The following PRCC variants were observed in gnomAD, a reference collection of about 807,000 sequenced individuals.
PRCC encodes the protein proline rich mitotic checkpoint control factor, also known as proline-rich protein PRCC.
PRCC carries 10 observed loss-of-function variants against 44.0 expected under a neutral mutation model. The ratio of observed to expected loss-of-function variants is 0.23; its 90% CI spans 0.14 to 0.39. PRCC has a LOEUF of 0.39. Among genes scored for constraint, PRCC ranks in the 10% least tolerant of loss-of-function variants. The probability of loss-of-function intolerance (pLI) is 1.00; values close to 1 mark genes in which losing one functional copy is unlikely to be tolerated. For missense variants in PRCC, 573 were observed against 624.7 expected, an observed-to-expected ratio of 0.92 and a Z score of 0.88; for synonymous variants, 278 against 259.5, an observed-to-expected ratio of 1.07 and a Z score of -0.69.
chr1:156,773,545 ACT>A (rs1213122961), intron 1 of PRCC, among the ~76,000 whole-genome samples: 2 of 151,686 alleles, frequency 1.3e-5, no homozygotes, highest in African/African-American at 4.9e-5. Context: ...GGCCCGGGAC[ACT>A]CTCAGCCCTG....
In PRCC at chr1:156,782,328, A is replaced by T. The variant is rs139727655; in HGVS notation, c.515A>T (p.Gln172Leu). 1 of 1,605,380 alleles carries T rather than the reference A, an allele frequency of 6.2e-7. No homozygotes were observed. Among genetic ancestry groups the T allele is most frequent in the Non-Finnish European group, 8.5e-7 (1 of 1,173,092 alleles). Residue 172 changes from glutamine to leucine, a missense_variant and splice_region_variant, in exon 2 of 7, where the codon CAG becomes CTG. By Grantham distance (113) the Gln-to-Leu change is moderately radical. This residue lies in a region of PRCC where 118 missense variants were observed against 166.7 expected (regional missense o/e 0.71). Coordinates refer to ENST00000271526, the MANE Select transcript of PRCC (RefSeq NM_005973.5). Reference sequence around the variant, plus strand: ...CCCACAAAGAAGAAAACTATCCTTCAGGTAAGCATTGTGATATAAACCATT... The same window carrying T: ...CCCACAAAGAAGAAAACTATCCTTCTGGTAAGCATTGTGATATAAACCATT... ...DEPTKKKTILQGSSEGTGLSA... is the reference protein window; with the variant it reads ...DEPTKKKTILLGSSEGTGLSA...
chr1:156,776,082 G>T (rs1367921906), intron 1 of PRCC, among the ~76,000 whole-genome samples: 1 of 152,258 alleles, frequency 6.6e-6, no homozygotes, highest in Non-Finnish European at 1.5e-5. Context: ...GGCTGGGTGT[G>T]CAGTGGCTCA....
At chr1:156,781,230 T>C (rs561541359) in intron 1 of PRCC, among the ~76,000 whole-genome samples, 1 of 152,322 alleles carries the variant, frequency 6.6e-6, no homozygotes, top group South Asian at 2.1e-4. Context: ...GGAAATGCTG[T>C]GTACAGTACT....
chr1:156,791,842 T>G, intron 4 of PRCC, 50 bp downstream of exon 4: 1 of 1,509,602 alleles, frequency 6.6e-7, no homozygotes, highest in East Asian at 2.3e-5. Context: ...GGCACCACAT[T>G]TCAAATCTGA....
chr1:156,778,605 C>T (rs1477269953), intron 1 of PRCC, among the ~76,000 whole-genome samples: 2 of 136,994 alleles, frequency 1.5e-5, no homozygotes, highest in African/African-American at 5.6e-5. Context: ...TTTTTTGTGG[C>T]AGGGTCTCAC....
At chr1:156,778,274 C>T (rs942054863) in intron 1 of PRCC, among the ~76,000 whole-genome samples, 44 of 152,164 alleles carry the variant, frequency 2.9e-4, no homozygotes, top group Non-Finnish European at 2.6e-4. Flanking sequence ...TAAGTGAGAA[C>T]GTGTGCTATT....
rs954614654 is a variant in PRCC at position 156,791,938 on chromosome 1, A to G, written c.1179+146A>G. 6.7e-5 allele frequency: 49 copies of G among 729,300 alleles called. 1 individual carries two copies. Among genetic ancestry groups the G allele is most frequent in the Middle Eastern group, 4.8e-4 (2 of 4,146 alleles). The allele number at this position is 729,300 out of a possible 1,614,324, so 45.2% of individuals were successfully genotyped here. On this transcript the variant is annotated intron_variant, in intron 4 of 6. Coordinates refer to ENST00000271526, the MANE Select transcript of PRCC (RefSeq NM_005973.5). ...TGGCAACATGTAATGGAGAAACTCT[A>G]AATAATAGTGGCTTATATAAAGGAA...
chr1:156,792,450 TTTTG>T (rs1433412230), intron 4 of PRCC, among the ~76,000 whole-genome samples: 3 of 152,058 alleles, frequency 2.0e-5, no homozygotes, highest in Non-Finnish European at 4.4e-5. Flanking sequence ...TTTTTTTGTT[TTTTG>T]TTTGTTTGTT....
chr1:156,779,946 A>G (rs995688065), intron 1 of PRCC, among the ~76,000 whole-genome samples: 2 of 151,312 alleles, frequency 1.3e-5, no homozygotes, highest in East Asian at 2.0e-4. Flanking sequence ...GCTGGAGTAC[A>G]GTGGCACAAT....
rs2102769955 is a variant in PRCC, at chr1:156,791,732, C to G, written c.1119C>G (p.Asp373Glu). The G allele has an allele frequency of 6.2e-7, 1 of 1,613,932 alleles. No homozygotes were observed. The highest frequency in any genetic ancestry group is 1.1e-5 in the South Asian group (1 of 91,054). The change falls in exon 4 of 7, where the codon GAC becomes GAG. Residue 373 changes from aspartate (D) to glutamate (E), a missense_variant. Physicochemically the swap from Asp to Glu is conservative, Grantham distance 45 (BLOSUM62 2). Coordinates refer to ENST00000271526, the MANE Select transcript of PRCC (RefSeq NM_005973.5). The part of the protein sequence containing the change: ...YYSGGYYPAQ[D>E]PALVPPQEIA... ...GTGGTGGCTACTATCCTGCACAGGA[C>G]CCGGCCCTGGTCCCCCCCCAGGAAA...
At chr1:156,791,941 T>C (rs1423871723) in intron 4 of PRCC, 149 bp downstream of exon 4, 1 of 717,818 alleles carries the variant, frequency 1.4e-6, no homozygotes, top group Non-Finnish European at 2.3e-6. Flanking sequence ...AAACTCTAAA[T>C]AATAGTGGCT....
chr1:156,796,233 C>T (rs1266346244), intron 5 of PRCC: 1 of 152,234 alleles, frequency 6.6e-6, no homozygotes, highest in African/African-American at 2.4e-5. Context: ...TTAACTGTCA[C>T]ATTAAATGAC....
At chr1:156,787,709 G>A (rs1055939490) in intron 3 of PRCC, among the ~76,000 whole-genome samples, 18 of 132,550 alleles carry the variant, frequency 1.4e-4, no homozygotes, top group Non-Finnish European at 2.8e-4. Context: ...GAGTGCAGTG[G>A]CACAATCTTG....
chr1:156,768,185 AAAG>A lies in PRCC; in HGVS notation c.419_421del (p.Lys140del), dbSNP rs1229223165. On this transcript the variant is annotated inframe_deletion, in exon 1 of 7. Transcript: ENST00000271526. ...GTCCCCCGCTGGGGCTTCCCAAGCC[AAAG>A]AAGAGGAAAGAGCCCGTGAAGATCG... The A allele has an allele frequency of 1.6e-5, 25 of 1,549,642 alleles. No individual in the cohort carries two copies. The highest frequency in any genetic ancestry group is 1.9e-5 in the Non-Finnish European group (22 of 1,147,894).
rs1249666678 is a variant in PRCC, at chr1:156,786,727, C to T, written c.636C>T (p.Ser212=). Residue 212 remains serine (S), a synonymous_variant, in exon 3 of 7, where the codon TCC becomes TCT. Transcript: ENST00000271526. The part of the protein sequence containing the change: ...HAFSRKPSDG[S]PDTKPSRLAS... ...TCTCCCGCAAACCCTCGGATGGCTC[C>T]CCTGATACTAAGCCCTCCAGACTGG... is the stretch of plus-strand genomic sequence containing the variant. The T allele has an allele frequency of 3.7e-6, 6 of 1,614,034 alleles. No individual in the cohort carries two copies. In the African/African-American group the frequency reaches 5.3e-5, roughly 14 times the overall value.
At chr1:156,768,460 A>G (rs1015307575) in intron 1 of PRCC, among the ~76,000 whole-genome samples, 4 of 152,316 alleles carry the variant, frequency 2.6e-5, no homozygotes, top group African/African-American at 9.6e-5. Flanking sequence ...TGCCTGCAGA[A>G]GGCCACATGT....
chr1:156,792,536 C>T (rs1009054710), intron 4 of PRCC, among the ~76,000 whole-genome samples: 1 of 152,182 alleles, frequency 6.6e-6, no homozygotes. Flanking sequence ...CAACCTCTGC[C>T]TCCCAGGCTC....
Position 156,784,107 on chromosome 1 carries a change from C to T in PRCC, c.516+1778C>T, listed in dbSNP as rs372959853. 7.2e-5 allele frequency among the ~76,000 whole-genome samples: 11 copies of T among 152,096 alleles called. No homozygotes were observed. In the East Asian group the frequency reaches 1.2e-3, roughly 16 times the overall value. On this transcript the variant is annotated intron_variant, in intron 2 of 6. Coordinates refer to ENST00000271526, the MANE Select transcript of PRCC (RefSeq NM_005973.5). ...GACTACAGGCACCCGCCACCACACC[C>T]GGCTAATTTTTTTGTATTTTTAGTA... is the stretch of plus-strand genomic sequence containing the variant.
chr1:156,788,183 G>A (rs1028356534), intron 3 of PRCC, among the ~76,000 whole-genome samples: 1 of 152,126 alleles, frequency 6.6e-6, no homozygotes, highest in African/African-American at 2.4e-5. Context: ...GTAGGCCCTG[G>A]TGTCTATTGT....
Sources: allele counts gnomAD v4.1 joint callset (sites outside exome capture counted in the v4.1 genomes callset), GRCh38; gene constraint gnomAD v4.1.1; regional missense constraint gnomAD v4.1.1; transcripts MANE v1.5; gene names NCBI Gene and HGNC (gene_info 2026-07-23, HGNC 2026-07-21).